RPS6KB1: variants seen among roughly 807,000 people sequenced by gnomAD.
RPS6KB1 encodes ribosomal protein S6 kinase B1.
A neutral mutation model predicts 70.2 loss-of-function variants in RPS6KB1; 12 were observed. The observed-to-expected ratio is 0.17, with a 90% CI of 0.11 to 0.28. The LOEUF (loss-of-function observed/expected upper bound fraction) is 0.28. Ranked by LOEUF, RPS6KB1 falls within the 10% of genes least tolerant of loss-of-function variation. RPS6KB1 has a pLI of 1.00. For synonymous variants in RPS6KB1, 175 were observed against 211.2 expected (o/e 0.83, Z 1.49); for missense variants, 270 against 646.6 (o/e 0.42, Z 6.32).
At chr17:59,921,156 T>C (rs1235464971) in intron 4 of RPS6KB1, among the ~76,000 whole-genome samples, 1 of 152,076 alleles carries the variant, frequency 6.6e-6, no homozygotes, top group Admixed American at 6.5e-5. Context: ...TCCCCACTCA[T>C]GGTGGGTGGG....
At chr17:59,930,016 T>C in intron 5 of RPS6KB1, 101 bp from the exon 6 acceptor site, 1 of 702,196 alleles carries the variant, frequency 1.4e-6, no homozygotes, top group African/African-American at 1.8e-5. Flanking sequence ...GGGGCTGATG[T>C]CTTTTAATTA....
intron 1 of RPS6KB1, among the ~76,000 whole-genome samples, chr17:59,905,867 G>T (rs2042236636): frequency 6.6e-6 from 1 of 151,766 alleles, no homozygotes; most frequent in African/African-American, 2.4e-5. Context: ...TGTTGCCCAG[G>T]CTGGAGTGGA....
intron 7 of RPS6KB1, among the ~76,000 whole-genome samples, chr17:59,933,088 C>T (rs546724688): frequency 6.6e-6 from 1 of 152,154 alleles, no homozygotes; most frequent in Non-Finnish European, 1.5e-5. Flanking sequence ...GCTGCTAATC[C>T]TTAGATGTCT....
chr17:59,935,484 T>C (rs1443092068), intron 10 of RPS6KB1, among the ~76,000 whole-genome samples, 184 bp downstream of exon 10: 1 of 152,158 alleles, frequency 6.6e-6, no homozygotes, highest in African/African-American at 2.4e-5. Flanking sequence ...TTTTAAATTT[T>C]TTTTTTTTGA....
Position 59,894,079 on chromosome 17 carries a change from A to C in RPS6KB1, c.141+754A>C, listed in dbSNP as rs72838892. ...ATGTAATTTTGAGGTGGAAAAAAAA[A>C]CCAAAAACCAGTTGACAGCCTTGAT... On this transcript the variant is annotated intron_variant, in intron 1 of 14. Transcript: ENST00000225577. 5.1e-3 allele frequency among the ~76,000 whole-genome samples: 774 copies of C among 152,064 alleles called. 4 individuals are homozygous for C. Among genetic ancestry groups the C allele is most frequent in the Non-Finnish European group, 7.8e-3 (529 of 67,986 alleles).
At chr17:59,899,000 C>T (rs1266285181) in intron 1 of RPS6KB1, among the ~76,000 whole-genome samples, 4 of 151,178 alleles carry the variant, frequency 2.6e-5, no homozygotes, top group African/African-American at 4.9e-5. Context: ...GTCAGGGGTT[C>T]GAGACCAGCC....
At chr17:59,897,048 T>C (rs1251996410) in intron 1 of RPS6KB1, among the ~76,000 whole-genome samples, 3 of 152,254 alleles carry the variant, frequency 2.0e-5, no homozygotes, top group Non-Finnish European at 4.4e-5. Context: ...ATATCAGTTT[T>C]CCTCATTTTA....
rs1157871102 is a variant in RPS6KB1, at chr17:59,906,410, T to G, written c.142-4152T>G. Among the ~76,000 whole-genome samples the G allele has an allele frequency of 1.1e-4, 17 of 152,278 alleles. No individual in the cohort carries two copies. The East Asian group carries it at 3.3e-3, about 29-fold the overall frequency. On this transcript the variant is annotated intron_variant, in intron 1 of 14. Coordinates refer to ENST00000225577, the MANE Select transcript of RPS6KB1 (RefSeq NM_003161.4). ...CAGAGTCTAGCTTTGTTGCCCAGGCTGGAGTGTGCAGTGGCGCGATCTCGG... is the reference window on the plus strand; with the variant it reads ...CAGAGTCTAGCTTTGTTGCCCAGGCGGGAGTGTGCAGTGGCGCGATCTCGG...
In RPS6KB1 at chr17:59,936,232, T is replaced by C; in HGVS notation, c.996T>C (p.Ala332=). 3 of 1,597,192 alleles carry C rather than the reference T, an allele frequency of 1.9e-6. No homozygotes were observed. The highest frequency in any genetic ancestry group is 2.6e-6 in the Non-Finnish European group (3 of 1,176,120). Residue 332 remains alanine (A), a synonymous_variant, in exon 11 of 15, where the codon GCT becomes GCC. Transcript: ENST00000225577. ...DLLKKLLKRN[A]ASRLGAGPGD... is the part of the protein sequence containing the mutation. ...CTTTAAAGCTGCTGAAAAGAAATGC[T>C]GCTTCTCGTCTGGGAGCTGGTCCTG... is the stretch of plus-strand genomic sequence containing the variant.
intron 1 of RPS6KB1, among the ~76,000 whole-genome samples, chr17:59,898,694 C>T (rs1030182186): frequency 2.0e-5 from 3 of 151,338 alleles, no homozygotes; most frequent in African/African-American, 4.9e-5. Context: ...TGACTTCAGG[C>T]GATACACCTG....
At chr17:59,906,245 A>G (rs528976032) in intron 1 of RPS6KB1, among the ~76,000 whole-genome samples, 5 of 152,202 alleles carry the variant, frequency 3.3e-5, no homozygotes, top group Admixed American at 6.5e-5. Flanking sequence ...CCAGTACCAC[A>G]CTGCCTTGAT....
Position 59,936,272 on chromosome 17 carries a change from G to C in RPS6KB1, c.1036G>C (p.Val346Leu). 6.3e-7 allele frequency: 1 copy of C among 1,594,344 alleles called. No individual in the cohort carries two copies. The highest frequency in any genetic ancestry group is 8.5e-7 in the Non-Finnish European group (1 of 1,175,250). ...LGAGPGDAGEVQAHPFFRHIN... is the reference protein window; with the variant it reads ...LGAGPGDAGELQAHPFFRHIN... ...AGCTGGTCCTGGGGACGCTGGAGAAGTTCAAGTAGGGATTGGCATCTTTGG... is the reference window on the plus strand; with the variant it reads ...AGCTGGTCCTGGGGACGCTGGAGAACTTCAAGTAGGGATTGGCATCTTTGG... The change falls in exon 11 of 15, where the codon GTT (valine) becomes CTT (leucine). Residue 346 changes from valine (V) to leucine (L), a missense_variant. Physicochemically the swap from Val to Leu is conservative, Grantham distance 32. Transcript: ENST00000225577.
chr17:59,906,821 G>A (rs544097971), intron 1 of RPS6KB1, among the ~76,000 whole-genome samples: 3 of 151,880 alleles, frequency 2.0e-5, no homozygotes, highest in South Asian at 4.2e-4. Flanking sequence ...AACTTCCCGA[G>A]TAGCTGAGAT....
At chr17:59,920,984 C>T (rs1283637387) in intron 4 of RPS6KB1, among the ~76,000 whole-genome samples, 5 of 152,240 alleles carry the variant, frequency 3.3e-5, no homozygotes, top group African/African-American at 1.2e-4. Context: ...GGGCGTGAGC[C>T]ACTGCGCCCA....
At chr17:59,912,002 C>A (rs1406120531) in intron 2 of RPS6KB1, among the ~76,000 whole-genome samples, 10 of 152,160 alleles carry the variant, frequency 6.6e-5, no homozygotes, top group Non-Finnish European at 1.3e-4. Context: ...TGATTTTCTG[C>A]TGACATTGCC....
At chr17:59,915,346 A>G (rs2042880533) in intron 4 of RPS6KB1, among the ~76,000 whole-genome samples, 1 of 152,074 alleles carries the variant, frequency 6.6e-6, no homozygotes, top group Non-Finnish European at 1.5e-5. Flanking sequence ...ATGTTTCATT[A>G]CTGTTATTCC....
At position 59,947,347 on chromosome 17, in the gene RPS6KB1, T is replaced by C; in HGVS notation, c.*559T>C. The C allele has an allele frequency of 8.7e-7, 1 of 1,148,748 alleles. No homozygotes were observed. Among genetic ancestry groups the C allele is most frequent in the Non-Finnish European group, 1.1e-6 (1 of 920,384 alleles). 71.2% of individuals were successfully genotyped at this position (1,148,748 alleles called of 1,614,324 possible). On this transcript the variant is annotated 3_prime_UTR_variant, in exon 15 of 15. Transcript: ENST00000225577. ...CAAATAGATTTTTGATTCAGCTCAT[T>C]ATGAAAAACATCCCAAACTTTAAAA... is the stretch of plus-strand genomic sequence containing the variant.
At chr17:59,943,905 TAC>T (rs1555654721) in intron 13 of RPS6KB1, among the ~76,000 whole-genome samples, 1 of 136,928 alleles carries the variant, frequency 7.3e-6, no homozygotes, top group African/African-American at 2.7e-5. Flanking sequence ...TATATATATA[TAC>T]ACATATATAT....
chr17:59,928,756 T>TC (rs1238181878), intron 5 of RPS6KB1, among the ~76,000 whole-genome samples: 1 of 152,232 alleles, frequency 6.6e-6, no homozygotes, highest in African/African-American at 2.4e-5. Context: ...CTTCTTAGTT[T>TC]CCTTTAATCT....
Sources: gnomAD v4.1 joint callset for allele counts (sites outside exome capture counted in the v4.1 genomes callset) on GRCh38, gnomAD v4.1.1 for gene constraint, MANE v1.5 for transcripts, NCBI Gene and HGNC (gene_info 2026-07-23, HGNC 2026-07-21) for gene names.